SUGCT: variants seen among roughly 807,000 people sequenced by gnomAD.
SUGCT encodes succinyl-CoA:glutarate CoA-transferase.
A neutral mutation model predicts 55.0 loss-of-function variants in SUGCT; 41 were observed. The observed-to-expected ratio is 0.74, with a 90% CI of 0.58 to 0.97. SUGCT has a LOEUF of 0.97. Among genes scored for constraint, SUGCT ranks in the 50% least tolerant of loss-of-function variants. The pLI is 0.00. For synonymous variants in SUGCT, 187 were observed against 200.4 expected, an observed-to-expected ratio of 0.93 and a Z score of 0.56; for missense variants, 568 against 547.8, an observed-to-expected ratio of 1.04 and a Z score of -0.37.
chr7:40,326,483 A>T (rs952597148), intron 9 of SUGCT, among the ~76,000 whole-genome samples: 8 of 152,170 alleles, frequency 5.3e-5, no homozygotes, highest in African/African-American at 1.9e-4. Context: ...AACAGAGCTG[A>T]ATTTCTTTCT....
the SUGCT span, among the ~76,000 whole-genome samples, chr7:41,038,712 C>A: frequency 6.6e-6 from 1 of 152,160 alleles, no homozygotes. Context: ...AAGGCCAAAT[C>A]TCTGCCTCCC....
intron 6 of SUGCT, among the ~76,000 whole-genome samples, chr7:40,202,427 A>T (rs1786664818): frequency 6.6e-6 from 1 of 152,042 alleles, no homozygotes; most frequent in Non-Finnish European, 1.5e-5. Context: ...AGGTGCACAT[A>T]TGTTGCATGT....
At chr7:40,202,617 A>G (rs1257702907) in intron 6 of SUGCT, among the ~76,000 whole-genome samples, 1 of 152,132 alleles carries the variant, frequency 6.6e-6, no homozygotes, top group African/African-American at 2.4e-5. Context: ...CAATAAGGGT[A>G]TGACTTGACT....
At chr7:40,433,293 G>T (rs7782189) in intron 9 of SUGCT, among the ~76,000 whole-genome samples, 86,299 of 150,150 alleles carry the variant, frequency 0.57, 24,819 homozygotes, top group South Asian at 0.65. Flanking sequence ...AGGTTTGTTT[G>T]TTATTTATTC....
At chr7:40,917,569 TC>T in the SUGCT span, among the ~76,000 whole-genome samples, 1 of 152,092 alleles carries the variant, frequency 6.6e-6, no homozygotes, top group Admixed American at 6.5e-5. Context: ...ATACCCAGGA[TC>T]TAGGCTGCAG....
chr7:40,709,838 TC>T (rs1235767008), intron 12 of SUGCT, among the ~76,000 whole-genome samples: 4 of 152,208 alleles, frequency 2.6e-5, no homozygotes, highest in Non-Finnish European at 5.9e-5. Flanking sequence ...TTGTGGGGCT[TC>T]ACTGCCGGAA....
At chr7:40,561,794 C>T (rs577307413) in intron 12 of SUGCT, among the ~76,000 whole-genome samples, 5 of 147,666 alleles carry the variant, frequency 3.4e-5, no homozygotes, top group Admixed American at 6.9e-5. Context: ...CAGGTTCAAG[C>T]GATTCTCCTG....
chr7:40,395,081 C>T (rs1324074866), intron 9 of SUGCT, among the ~76,000 whole-genome samples: 1 of 152,072 alleles, frequency 6.6e-6, no homozygotes, highest in African/African-American at 2.4e-5. Flanking sequence ...ATGCACAAAC[C>T]ATTTTTATCT....
At chr7:40,742,184 T>G (rs1787495863) in intron 12 of SUGCT, among the ~76,000 whole-genome samples, 1 of 152,208 alleles carries the variant, frequency 6.6e-6, no homozygotes, top group Non-Finnish European at 1.5e-5. Flanking sequence ...GTATATTGCA[T>G]GACCAATTTT....
At chr7:40,712,228 A>C (rs150787165) in intron 12 of SUGCT, among the ~76,000 whole-genome samples, 109 of 152,328 alleles carry the variant, frequency 7.2e-4, no homozygotes, top group African/African-American at 2.5e-3. Flanking sequence ...AACTTTTAGG[A>C]ATGGTGTTTG....
At chr7:40,219,632 T>C (rs569143607) in intron 6 of SUGCT, among the ~76,000 whole-genome samples, 1 of 152,014 alleles carries the variant, frequency 6.6e-6, no homozygotes. Context: ...AGGATAGGCC[T>C]CTCTCCACCA....
the SUGCT span, among the ~76,000 whole-genome samples, chr7:40,874,881 T>C: frequency 6.6e-6 from 1 of 152,192 alleles, no homozygotes; most frequent in African/African-American, 2.4e-5. Flanking sequence ...ATGGGAGAAA[T>C]TGAAGCTAAG....
chr7:40,167,158 A>G (rs541539323), intron 1 of SUGCT, among the ~76,000 whole-genome samples: 1 of 152,340 alleles, frequency 6.6e-6, no homozygotes, highest in South Asian at 2.1e-4. Flanking sequence ...AGCTGAATGT[A>G]TAAACAAATG....
At chr7:40,263,252 T>C (rs1488182272) in intron 7 of SUGCT, among the ~76,000 whole-genome samples, 1 of 152,214 alleles carries the variant, frequency 6.6e-6, no homozygotes, top group Non-Finnish European at 1.5e-5. Context: ...TGTAAAATAG[T>C]GATAATATTG....
intron 6 of SUGCT, 132 bp downstream of exon 6, chr7:40,195,192 T>A: frequency 9.9e-7 from 1 of 1,007,660 alleles, no homozygotes; most frequent in Non-Finnish European, 1.4e-6. Context: ...CAAGGCCGTT[T>A]AGGTTGCTGA....
intron 12 of SUGCT, among the ~76,000 whole-genome samples, chr7:40,554,220 A>G (rs1165014689): frequency 6.6e-6 from 1 of 152,182 alleles, no homozygotes; most frequent in African/African-American, 2.4e-5. Context: ...TTAAATTGTA[A>G]ATCTGCGCAG....
At chr7:40,922,920 A>G in the SUGCT span, among the ~76,000 whole-genome samples, 3 of 152,196 alleles carry the variant, frequency 2.0e-5, no homozygotes, top group Non-Finnish European at 4.4e-5. Context: ...AATTACTAAT[A>G]GGAGATTTGC....
intron 12 of SUGCT, among the ~76,000 whole-genome samples, chr7:40,641,249 C>G (rs1800257049): frequency 6.6e-6 from 1 of 152,082 alleles, no homozygotes; most frequent in South Asian, 2.1e-4. Context: ...TACATTAAAT[C>G]TAGAAATTAT....
intron 12 of SUGCT, among the ~76,000 whole-genome samples, chr7:40,736,701 G>GA (rs1787181642): frequency 6.6e-6 from 1 of 151,886 alleles, no homozygotes; most frequent in Admixed American, 6.6e-5. Flanking sequence ...TATACCAACA[G>GA]AAGGTTAACT....
Sources: gnomAD v4.1 joint callset for allele counts (sites outside exome capture counted in the v4.1 genomes callset) on GRCh38, gnomAD v4.1.1 for gene constraint, MANE v1.5 for transcripts, NCBI Gene and HGNC (gene_info 2026-07-23, HGNC 2026-07-21) for gene names.